Variants in KCNB2 observed in about 807,000 individuals in gnomAD.
The protein encoded by KCNB2 is potassium voltage-gated channel subfamily B member 2, also known as delayed rectifier potassium channel protein.
In KCNB2, 15 loss-of-function variants were observed where a neutral mutation model predicts 61.5. That is an observed-to-expected ratio of 0.24 (90% CI 0.16 to 0.38). KCNB2 has a LOEUF of 0.38. KCNB2 is among the 10% of genes least tolerant of loss of function. The pLI is 1.00. For synonymous variants in KCNB2, 457 were observed against 446.0 expected, an observed-to-expected ratio of 1.02 and a Z score of -0.31; for missense variants, 828 against 1,125.2, an observed-to-expected ratio of 0.74 and a Z score of 3.78.
chr8:72,669,556 T>G (rs780768604), intron 2 of KCNB2, among the ~76,000 whole-genome samples: 2 of 152,192 alleles, frequency 1.3e-5, no homozygotes, highest in Non-Finnish European at 2.9e-5. Context: ...GTTTTGAAAT[T>G]TAAAAAAAAC....
At chr8:72,823,358 G>A (rs1333030039) in intron 2 of KCNB2, among the ~76,000 whole-genome samples, 1 of 152,142 alleles carries the variant, frequency 6.6e-6, no homozygotes, top group African/African-American at 2.4e-5. Flanking sequence ...AAGGTTTTAT[G>A]AAGCAAATCC....
At chr8:72,619,392 A>G (rs945886710) in intron 2 of KCNB2, 11 of 479,456 alleles carry the variant, frequency 2.3e-5, no homozygotes, top group Admixed American at 7.5e-5. Flanking sequence ...GTTTCAAGTC[A>G]TGTATTACCA....
At chr8:72,740,519 G>T (rs1585864644) in intron 2 of KCNB2, among the ~76,000 whole-genome samples, 1 of 152,142 alleles carries the variant, frequency 6.6e-6, no homozygotes, top group African/African-American at 2.4e-5. Flanking sequence ...ATATGAATAG[G>T]CTTATAAAAC....
chr8:72,719,766 T>C (rs977855738), intron 2 of KCNB2, among the ~76,000 whole-genome samples: 1 of 151,362 alleles, frequency 6.6e-6, no homozygotes, highest in Admixed American at 6.6e-5. Flanking sequence ...TTTAGTGGCT[T>C]AAAAAAAATA....
intron 2 of KCNB2, among the ~76,000 whole-genome samples, chr8:72,684,522 A>G (rs544994713): frequency 1.2e-4 from 18 of 152,228 alleles, no homozygotes; most frequent in African/African-American, 3.9e-4. Context: ...GGTATGAGGA[A>G]AGAAGGAAGG....
intron 2 of KCNB2, among the ~76,000 whole-genome samples, chr8:72,575,308 T>C (rs890532991): frequency 6.7e-6 from 1 of 148,988 alleles, no homozygotes; most frequent in African/African-American, 2.5e-5. Context: ...ATATATGGTA[T>C]ATATTGATAT....
At chr8:72,598,666 T>C (rs1350846354) in intron 2 of KCNB2, among the ~76,000 whole-genome samples, 1 of 152,230 alleles carries the variant, frequency 6.6e-6, no homozygotes, top group East Asian at 1.9e-4. Flanking sequence ...AAATTGTCCC[T>C]GTTTGCAGAT....
In KCNB2 at chr8:72,537,763, C is replaced by T. The variant is rs1437570493; in HGVS notation, c.-216C>T. The T allele has an allele frequency of 6.6e-6, 1 of 152,144 alleles. No individual in the cohort carries two copies. Among genetic ancestry groups the T allele is most frequent in the Non-Finnish European group, 1.5e-5 (1 of 68,146 alleles). 9.4% of individuals were successfully genotyped at this position (152,144 alleles called of 1,614,324 possible). ...CTGTGGAGGGGAGGGGGATTTCCAGCGACAGGTCATTGGCGAAGGGGATCG... is the reference window on the plus strand; with the variant it reads ...CTGTGGAGGGGAGGGGGATTTCCAGTGACAGGTCATTGGCGAAGGGGATCG... On this transcript the variant is annotated 5_prime_UTR_variant, in exon 1 of 3. Coordinates refer to ENST00000523207, the MANE Select transcript of KCNB2 (RefSeq NM_004770.3).
In KCNB2 at chr8:72,869,189, G is replaced by A. The variant is rs903021922; in HGVS notation, c.580-66746G>A. Among the ~76,000 whole-genome samples, 2 of 152,216 alleles carry A rather than the reference G, an allele frequency of 1.3e-5. 1 individual carries two copies. On this transcript the variant is annotated intron_variant, in intron 2 of 2. Coordinates refer to ENST00000523207, the MANE Select transcript of KCNB2 (RefSeq NM_004770.3). ...TGCCTTGAGCTTGATGACAGCAACA[G>A]GTTTAAGTGGCCTTGAGAGGCAGAG...
At position 72,937,062 on chromosome 8, in the gene KCNB2, A is replaced by G. The variant is rs780623961; in HGVS notation, c.1707A>G (p.Ala569=). 60 of 1,614,166 alleles carry G rather than the reference A, an allele frequency of 3.7e-5. No individual in the cohort carries two copies. Among genetic ancestry groups the G allele is most frequent in the Non-Finnish European group, 4.8e-5 (57 of 1,180,024 alleles). The change falls in exon 3 of 3, where the codon GCA becomes GCG. Residue 569 remains alanine, a synonymous_variant. Coordinates refer to ENST00000523207, the MANE Select transcript of KCNB2 (RefSeq NM_004770.3). ...AAGAAAAGCCTGAGAGGCCATCTGCATATGAAGAAGAGATTGAAATGGAAG... is the reference window on the plus strand; with the variant it reads ...AAGAAAAGCCTGAGAGGCCATCTGCGTATGAAGAAGAGATTGAAATGGAAG... ...DCQEKPERPS[A]YEEEIEMEEV... is the part of the protein sequence containing the mutation.
intron 2 of KCNB2, among the ~76,000 whole-genome samples, chr8:72,657,506 C>T (rs1019224273): frequency 1.3e-5 from 2 of 152,076 alleles, no homozygotes; most frequent in Admixed American, 6.6e-5. Flanking sequence ...AGTTGTTAAA[C>T]AGCAACAATT....
At chr8:72,573,405 T>G (rs1325252319) in intron 2 of KCNB2, among the ~76,000 whole-genome samples, 1 of 152,218 alleles carries the variant, frequency 6.6e-6, no homozygotes, top group African/African-American at 2.4e-5. Context: ...ACTCTTTGTT[T>G]AGCTTTCTGA....
At chr8:72,551,855 A>G (rs1240039135) in intron 1 of KCNB2, among the ~76,000 whole-genome samples, 3 of 152,150 alleles carry the variant, frequency 2.0e-5, no homozygotes, top group Non-Finnish European at 4.4e-5. Flanking sequence ...TCACAACTCC[A>G]TGCACATAGC....
At chr8:72,785,567 A>T (rs1049133676) in intron 2 of KCNB2, among the ~76,000 whole-genome samples, 4 of 152,156 alleles carry the variant, frequency 2.6e-5, no homozygotes, top group African/African-American at 9.7e-5. Context: ...TAATTGAAAC[A>T]AGTTGTTTTG....
intron 2 of KCNB2, among the ~76,000 whole-genome samples, chr8:72,718,234 A>G (rs1807480566): frequency 1.3e-5 from 2 of 152,346 alleles, no homozygotes; most frequent in East Asian, 3.9e-4. Flanking sequence ...AACTAGTTCA[A>G]CTATTGTGGA....
rs1321859096 is a variant in KCNB2, at chr8:72,937,467, A to G, written c.2112A>G (p.Leu704=). 10 of 1,613,898 alleles carry G rather than the reference A, an allele frequency of 6.2e-6. No individual in the cohort carries two copies. Among genetic ancestry groups the G allele is most frequent in the Non-Finnish European group, 7.6e-6 (9 of 1,179,978 alleles). ...CCACCGACAGTCCTAAGAGCTCTCT[A>G]AAAGGCAGCAACCCACTAAAGTCCA... The part of the protein sequence containing the change: ...DNATDSPKSS[L]KGSNPLKSRS... The change falls in exon 3 of 3, where the codon CTA becomes CTG. Residue 704 remains leucine, a synonymous_variant. Coordinates refer to ENST00000523207, the MANE Select transcript of KCNB2 (RefSeq NM_004770.3).
chr8:72,672,114 A>G (rs749817194), intron 2 of KCNB2, among the ~76,000 whole-genome samples: 3 of 152,154 alleles, frequency 2.0e-5, no homozygotes, highest in Non-Finnish European at 4.4e-5. Flanking sequence ...GGAAGTGACA[A>G]TTCATTCAAA....
chr8:72,704,397 G>A (rs1003932510), intron 2 of KCNB2, among the ~76,000 whole-genome samples: 3 of 152,034 alleles, frequency 2.0e-5, no homozygotes, highest in Non-Finnish European at 4.4e-5. Flanking sequence ...ACTATTAAGG[G>A]CTATTATTAC....
At chr8:72,863,385 C>T (rs939845566) in intron 2 of KCNB2, among the ~76,000 whole-genome samples, 2 of 152,144 alleles carry the variant, frequency 1.3e-5, no homozygotes, top group East Asian at 1.9e-4. Context: ...ATTTTGAATT[C>T]GTGGAATTTT....
Sources: allele counts gnomAD v4.1 joint callset (sites outside exome capture counted in the v4.1 genomes callset), GRCh38; gene constraint gnomAD v4.1.1; transcripts MANE v1.5; gene names NCBI Gene and HGNC (gene_info 2026-07-23, HGNC 2026-07-21).